The following TRDN variants were observed in gnomAD, a reference collection of about 807,000 sequenced individuals.
TRDN encodes the protein triadin.
TRDN carries 161 observed loss-of-function variants against 149.7 expected under a neutral mutation model. The ratio of observed to expected loss-of-function variants is 1.08; its 90% CI spans 0.95 to 1.23. The LOEUF (loss-of-function observed/expected upper bound fraction) is 1.23. Ranked by LOEUF, TRDN falls within the 50% of genes most tolerant of loss-of-function variation. The probability of loss-of-function intolerance (pLI) is 0.00; values close to 1 mark genes in which losing one functional copy is unlikely to be tolerated. For synonymous variants in TRDN, 294 were observed against 250.5 expected (o/e 1.17, Z -1.64); for missense variants, 896 against 823.5 (o/e 1.09, Z -1.08).
At chr6:123,253,490 A>G (rs1776450643) in intron 37 of TRDN, among the ~76,000 whole-genome samples, 1 of 152,184 alleles carries the variant, frequency 6.6e-6, no homozygotes, top group African/African-American at 2.4e-5. Flanking sequence ...CTTCATGCAT[A>G]AAATTATGAA....
chr6:123,617,525 G>A (rs1199014633), intron 1 of TRDN, among the ~76,000 whole-genome samples: 1 of 152,052 alleles, frequency 6.6e-6, no homozygotes, highest in Non-Finnish European at 1.5e-5. Flanking sequence ...TTATTAGCTG[G>A]AAAATGTTAC....
intron 12 of TRDN, among the ~76,000 whole-genome samples, chr6:123,408,727 T>G (rs1773304154): frequency 6.6e-6 from 1 of 152,000 alleles, no homozygotes; most frequent in Non-Finnish European, 1.5e-5. Flanking sequence ...TAAATTAATT[T>G]CCATACTCGA....
chr6:123,487,000 C>A (rs1778002147), intron 9 of TRDN, among the ~76,000 whole-genome samples: 1 of 151,904 alleles, frequency 6.6e-6, no homozygotes. Flanking sequence ...CAAAATGAGT[C>A]TGGTATGTTA....
chr6:123,249,575 T>C (rs1024847944), intron 38 of TRDN, among the ~76,000 whole-genome samples: 1 of 152,168 alleles, frequency 6.6e-6, no homozygotes, highest in Non-Finnish European at 1.5e-5. Flanking sequence ...GTAGTATTTA[T>C]ACACCACAGA....
At chr6:123,521,057 C>T (rs1779653989) in intron 5 of TRDN, among the ~76,000 whole-genome samples, 1 of 152,090 alleles carries the variant, frequency 6.6e-6, no homozygotes, top group Non-Finnish European at 1.5e-5. Flanking sequence ...TTGAGCCTCA[C>T]CATCAGCTAA....
intron 1 of TRDN, among the ~76,000 whole-genome samples, chr6:123,623,557 A>G (rs1351245662): frequency 2.0e-5 from 3 of 152,132 alleles, no homozygotes; most frequent in Non-Finnish European, 2.9e-5. Context: ...GAATGCCAAT[A>G]AAGTGTGTCT....
At chr6:123,413,199 T>C (rs1485497866) in intron 12 of TRDN, among the ~76,000 whole-genome samples, 6 of 152,200 alleles carry the variant, frequency 3.9e-5, no homozygotes, top group Non-Finnish European at 8.8e-5. Flanking sequence ...ATCTTTCTGT[T>C]CTCAACAAAT....
chr6:123,344,442 C>A (rs545615710), intron 21 of TRDN, among the ~76,000 whole-genome samples: 2 of 152,096 alleles, frequency 1.3e-5, no homozygotes, highest in South Asian at 4.1e-4. Context: ...CCCTTCTCTC[C>A]TCCCCAAACC....
At chr6:123,482,030 T>C (rs1367137732) in intron 9 of TRDN, among the ~76,000 whole-genome samples, 1 of 152,236 alleles carries the variant, frequency 6.6e-6, no homozygotes, top group African/African-American at 2.4e-5. Context: ...ATGTTGCAAC[T>C]GTAATACCTC....
At chr6:123,350,833 C>T (rs771188639) in intron 21 of TRDN, 68 of 983,646 alleles carry the variant, frequency 6.9e-5, no homozygotes, top group Non-Finnish European at 7.8e-5. Context: ...ATCCAAGAGC[C>T]TAAGCTTTAA....
At chr6:123,240,707 C>T (rs767335305) in intron 38 of TRDN, among the ~76,000 whole-genome samples, 1 of 151,854 alleles carries the variant, frequency 6.6e-6, no homozygotes, top group South Asian at 2.1e-4. Flanking sequence ...AAGACTTGTT[C>T]TATAACTACA....
intron 33 of TRDN, among the ~76,000 whole-genome samples, chr6:123,262,717 A>C (rs2114593298): frequency 6.6e-6 from 1 of 152,110 alleles, no homozygotes; most frequent in East Asian, 1.9e-4. Context: ...TCTGTGTCTC[A>C]TTTTGGTGAT....
chr6:123,610,869 A>G (rs920759508), intron 1 of TRDN, among the ~76,000 whole-genome samples: 5 of 152,220 alleles, frequency 3.3e-5, no homozygotes, highest in Non-Finnish European at 7.3e-5. Context: ...AAATACATCT[A>G]GGAGAGCAGA....
intron 21 of TRDN, chr6:123,351,994 T>A (rs947158401): frequency 1.0e-6 from 1 of 978,500 alleles, no homozygotes; most frequent in African/African-American, 1.7e-5. Context: ...GCATTAACTA[T>A]TTTATACCAT....
chr6:123,508,046 A>G (rs565979135), intron 7 of TRDN, among the ~76,000 whole-genome samples: 2 of 152,046 alleles, frequency 1.3e-5, no homozygotes, highest in Non-Finnish European at 2.9e-5. Context: ...AGCTGTGGAG[A>G]TGAGTAACAC....
intron 12 of TRDN, among the ~76,000 whole-genome samples, chr6:123,404,199 G>C (rs1005161041): frequency 1.3e-5 from 2 of 152,072 alleles, no homozygotes; most frequent in African/African-American, 4.8e-5. Context: ...TTGGATGAAA[G>C]GACAATTAAT....
chr6:123,335,411 T>C (rs184587733), intron 22 of TRDN, among the ~76,000 whole-genome samples: 382 of 151,990 alleles, frequency 2.5e-3, no homozygotes, highest in African/African-American at 8.8e-3. Flanking sequence ...TTATCTACTA[T>C]TTTCTCTAAC....
chr6:123,481,186 A>G lies in TRDN; in HGVS notation c.853+16007T>C, dbSNP rs75570558. ...ACTCTCTCAACAATTTTGGTGATAAACCATTTGTGCTGTGAAGTATGAGAT... is the reference window on the plus strand; with the variant it reads ...ACTCTCTCAACAATTTTGGTGATAAGCCATTTGTGCTGTGAAGTATGAGAT... On this transcript the variant is annotated intron_variant, in intron 9 of 40. Coordinates refer to ENST00000334268, the MANE Select transcript of TRDN (RefSeq NM_006073.4). Among the ~76,000 whole-genome samples the G allele has an allele frequency of 1.6e-3, 250 of 152,222 alleles. 3 individuals carry two copies. Among genetic ancestry groups the G allele is most frequent in the African/African-American group, 5.9e-3 (244 of 41,542 alleles).
intron 8 of TRDN, chr6:123,498,315 G>T (rs996887185): frequency 1.8e-5 from 5 of 273,312 alleles, no homozygotes; most frequent in Non-Finnish European, 3.7e-5. Flanking sequence ...AAGGATTTTT[G>T]TAAATCTCGT....
Sources: allele counts gnomAD v4.1 joint callset (sites outside exome capture counted in the v4.1 genomes callset), GRCh38; gene constraint gnomAD v4.1.1; transcripts MANE v1.5; gene names NCBI Gene and HGNC (gene_info 2026-07-23, HGNC 2026-07-21).